NDRG3: variants seen among roughly 807,000 people sequenced by gnomAD.
NDRG3 encodes NDRG family member 3.
NDRG3 carries 23 observed loss-of-function variants against 57.2 expected under a neutral mutation model. That is an observed-to-expected ratio of 0.40 (90% CI 0.29 to 0.57). The LOEUF (loss-of-function observed/expected upper bound fraction) is 0.57, where lower values mean the gene tolerates loss of function less well. Among genes scored for constraint, NDRG3 ranks in the 20% least tolerant of loss-of-function variants. NDRG3 has a pLI of 0.42. For missense variants in NDRG3, 384 were observed against 457.3 expected, an observed-to-expected ratio of 0.84 and a Z score of 1.46; for synonymous variants, 132 against 162.6, an observed-to-expected ratio of 0.81 and a Z score of 1.43.
At chr20:36,694,300 T>C (rs1568648391) in intron 3 of NDRG3, among the ~76,000 whole-genome samples, 1 of 152,218 alleles carries the variant, frequency 6.6e-6, no homozygotes, top group Admixed American at 6.5e-5. Context: ...TTTCTAAAAA[T>C]GTTTCTATAC....
chr20:36,715,002 GTGTGTATATATATATA>G (rs1354494455), intron 2 of NDRG3, among the ~76,000 whole-genome samples: 31 of 39,580 alleles, frequency 7.8e-4, no homozygotes, highest in East Asian at 7.4e-3. Context: ...GTGTGTGTGT[GTGTGTATATATATATA>G]TATATATATA....
chr20:36,735,840 T>C (rs1261918999), intron 1 of NDRG3, among the ~76,000 whole-genome samples: 1 of 151,806 alleles, frequency 6.6e-6, no homozygotes, highest in Non-Finnish European at 1.5e-5. Flanking sequence ...AATACAAAAA[T>C]TAGCTGAGCA....
intron 15 of NDRG3, chr20:36,654,694 G>T: frequency 2.7e-6 from 2 of 744,922 alleles, no homozygotes; most frequent in South Asian, 2.8e-5. Flanking sequence ...ACTGAGCCAC[G>T]TTCTATCGGG....
At chr20:36,673,142 A>G (rs944928308) in intron 8 of NDRG3, among the ~76,000 whole-genome samples, 4 of 152,232 alleles carry the variant, frequency 2.6e-5, no homozygotes, top group African/African-American at 9.6e-5. Context: ...GGGATTACCA[A>G]TGTGAAACAC....
chr20:36,662,521 C>T (rs1307593427), intron 12 of NDRG3, among the ~76,000 whole-genome samples: 1 of 152,176 alleles, frequency 6.6e-6, no homozygotes, highest in Non-Finnish European at 1.5e-5. Flanking sequence ...TTTTTGACAT[C>T]TACTTTCTCC....
At chr20:36,685,458 A>G (rs930073864) in intron 5 of NDRG3, among the ~76,000 whole-genome samples, 2 of 152,018 alleles carry the variant, frequency 1.3e-5, no homozygotes, top group African/African-American at 4.8e-5. Flanking sequence ...CTACAGGCGC[A>G]TGCCACCATG....
intron 8 of NDRG3, among the ~76,000 whole-genome samples, chr20:36,675,823 G>T (rs1980641389): frequency 1.3e-5 from 2 of 152,092 alleles, no homozygotes; most frequent in Non-Finnish European, 2.9e-5. Context: ...ACCGTGCCCA[G>T]CCAATAAAGA....
At chr20:36,703,319 A>G (rs1451367419) in intron 3 of NDRG3, among the ~76,000 whole-genome samples, 1 of 152,032 alleles carries the variant, frequency 6.6e-6, no homozygotes. Flanking sequence ...TATATAGTTT[A>G]CATGTATGTG....
intron 3 of NDRG3, among the ~76,000 whole-genome samples, chr20:36,694,784 G>A (rs1384117094): frequency 1.3e-5 from 2 of 151,772 alleles, no homozygotes; most frequent in Non-Finnish European, 2.9e-5. Flanking sequence ...TTGAGACAGG[G>A]TCTCATTCTG....
intron 3 of NDRG3, among the ~76,000 whole-genome samples, chr20:36,689,031 C>T (rs1982038701): frequency 6.6e-6 from 1 of 151,958 alleles, no homozygotes; most frequent in Admixed American, 6.6e-5. Flanking sequence ...CCTGTCTTTA[C>T]TAAAAATAAA....
At chr20:36,692,875 A>G (rs1321598542) in intron 3 of NDRG3, among the ~76,000 whole-genome samples, 1 of 150,156 alleles carries the variant, frequency 6.7e-6, no homozygotes, top group Non-Finnish European at 1.5e-5. Context: ...GGAGTTCGAG[A>G]CCAGCCCTGG....
intron 3 of NDRG3, among the ~76,000 whole-genome samples, chr20:36,689,060 G>C (rs1982041103): frequency 6.6e-6 from 1 of 152,120 alleles, no homozygotes; most frequent in African/African-American, 2.4e-5. Flanking sequence ...CAGGCATGGT[G>C]GCACACGCAC....
At chr20:36,717,632 T>C (rs1178087606) in intron 2 of NDRG3, among the ~76,000 whole-genome samples, 1 of 151,622 alleles carries the variant, frequency 6.6e-6, no homozygotes, top group African/African-American at 2.4e-5. Flanking sequence ...TAATACTATC[T>C]ATCTCAAAGG....
chr20:36,721,589 T>C, intron 2 of NDRG3, 90 bp downstream of exon 2: 1 of 752,896 alleles, frequency 1.3e-6, no homozygotes, highest in African/African-American at 1.8e-5. Flanking sequence ...CTAAATATGT[T>C]TTAAGTTACT....
chr20:36,682,730 T>A, intron 6 of NDRG3, 152 bp from the exon 7 acceptor site: 1 of 652,580 alleles, frequency 1.5e-6, no homozygotes, highest in Non-Finnish European at 2.7e-6. Flanking sequence ...TTCCCCTAAC[T>A]TTCTGAGCCT....
At chr20:36,744,158 T>G (rs1986068283) in intron 1 of NDRG3, among the ~76,000 whole-genome samples, 1 of 152,012 alleles carries the variant, frequency 6.6e-6, no homozygotes, top group Non-Finnish European at 1.5e-5. Context: ...CACCTCGGCC[T>G]CCCAAAGTGC....
At chr20:36,681,809 T>C (rs909195062) in intron 7 of NDRG3, among the ~76,000 whole-genome samples, 1 of 150,960 alleles carries the variant, frequency 6.6e-6, no homozygotes, top group Admixed American at 6.7e-5. Context: ...GCAATTCTCC[T>C]GCCTCAGCCT....
chr20:36,688,815 A>C (rs751624543), intron 3 of NDRG3, 31 bp from the exon 4 acceptor site: 1 of 1,559,376 alleles, frequency 6.4e-7, no homozygotes, highest in South Asian at 1.1e-5. Flanking sequence ...TTCTCAGAAA[A>C]AGCAGAATGA....
chr20:36,745,839 G>T (rs1229043324), intron 1 of NDRG3, among the ~76,000 whole-genome samples: 1 of 147,428 alleles, frequency 6.8e-6, no homozygotes, highest in Non-Finnish European at 1.5e-5. Flanking sequence ...GCGGGGAGCG[G>T]CCGAGGAAAG....
Sources: allele counts gnomAD v4.1 joint callset (sites outside exome capture counted in the v4.1 genomes callset), GRCh38; gene constraint gnomAD v4.1.1; transcripts MANE v1.5; gene names NCBI Gene and HGNC (gene_info 2026-07-23, HGNC 2026-07-21).